The following DLG2 variants were observed in gnomAD, a reference collection of about 807,000 sequenced individuals.
The protein encoded by DLG2 is disks large homolog 2.
DLG2 carries 45 observed loss-of-function variants against 132.5 expected under a neutral mutation model. The observed-to-expected ratio is 0.34, with a 90% confidence interval of 0.27 to 0.44. The LOEUF (loss-of-function observed/expected upper bound fraction) is 0.44, where lower values mean the gene tolerates loss of function less well. DLG2 is among the 20% of genes least tolerant of loss of function. DLG2 has a pLI of 1.00. For missense variants in DLG2, 1,045 were observed against 1,196.9 expected (o/e 0.87, Z 1.87); for synonymous variants, 424 against 419.6 (o/e 1.01, Z -0.13).
intron 6 of DLG2, among the ~76,000 whole-genome samples, chr11:84,883,860 G>T (rs2087776649): frequency 6.6e-6 from 1 of 152,052 alleles, no homozygotes; most frequent in Non-Finnish European, 1.5e-5. Flanking sequence ...TGTGTGTCTG[G>T]ATCTTCATTC....
chr11:83,503,373 A>T (rs1482308038), intron 21 of DLG2, among the ~76,000 whole-genome samples: 28 of 3,042 alleles, frequency 9.2e-3, no homozygotes, highest in African/African-American at 0.033. Context: ...ACCCATTTAT[A>T]TATATATATA....
intron 3 of DLG2, among the ~76,000 whole-genome samples, chr11:85,298,604 G>C (rs544817319): frequency 1.3e-5 from 2 of 152,106 alleles, no homozygotes; most frequent in African/African-American, 4.8e-5. Context: ...ATGTGATTCT[G>C]AACTAAATTC....
At chr11:84,130,404 A>G (rs1303130266) in intron 9 of DLG2, among the ~76,000 whole-genome samples, 2 of 151,872 alleles carry the variant, frequency 1.3e-5, no homozygotes, top group African/African-American at 4.8e-5. Context: ...GATACAAAGA[A>G]ATACAGAGCA....
chr11:84,889,819 C>G (rs1227144873), intron 6 of DLG2, among the ~76,000 whole-genome samples: 5 of 152,154 alleles, frequency 3.3e-5, no homozygotes. Context: ...TTTGATACAT[C>G]CATCCTTGAC....
chr11:84,049,222 A>C (rs1044414962), intron 11 of DLG2, among the ~76,000 whole-genome samples: 11 of 151,882 alleles, frequency 7.2e-5, no homozygotes, highest in Non-Finnish European at 1.5e-4. Flanking sequence ...ATAAATTCTC[A>C]TCTATAATAT....
chr11:83,669,340 G>A (rs1342864882), intron 18 of DLG2, among the ~76,000 whole-genome samples: 1 of 152,130 alleles, frequency 6.6e-6, no homozygotes, highest in Non-Finnish European at 1.5e-5. Flanking sequence ...TGTTTCTGCT[G>A]AAAAGTCTAT....
In DLG2 at chr11:85,051,988, A is replaced by C. The variant is rs189448276; in HGVS notation, c.357+59673T>G. Among the ~76,000 whole-genome samples the C allele has an allele frequency of 4.7e-3, 716 of 152,272 alleles. 6 individuals are homozygous for C. The highest frequency in any genetic ancestry group is 0.017 in the African/African-American group (688 of 41,570). On this transcript the variant is annotated intron_variant, in intron 6 of 27. Transcript: ENST00000376104. ...AAGTGATTAGTAGGTAATGTATTTA[A>C]AATTCTAAATAATGATAAAATAGCT...
intron 3 of DLG2, among the ~76,000 whole-genome samples, chr11:85,360,171 G>A (rs2084036068): frequency 6.6e-6 from 1 of 152,152 alleles, no homozygotes; most frequent in Non-Finnish European, 1.5e-5. Flanking sequence ...CTTGTCAGCG[G>A]TTTCTAGTTG....
At chr11:85,331,098 T>C (rs1254788542) in intron 3 of DLG2, among the ~76,000 whole-genome samples, 3 of 152,208 alleles carry the variant, frequency 2.0e-5, no homozygotes, top group Admixed American at 1.3e-4. Flanking sequence ...AATAAACCCA[T>C]AATGTTGACA....
intron 6 of DLG2, among the ~76,000 whole-genome samples, chr11:84,955,875 T>C (rs1031791216): frequency 6.6e-6 from 1 of 152,162 alleles, no homozygotes; most frequent in Non-Finnish European, 1.5e-5. Context: ...TTATTTTTGG[T>C]TTGACAATTG....
chr11:84,061,174 C>T (rs2096585224), intron 10 of DLG2, among the ~76,000 whole-genome samples: 1 of 152,138 alleles, frequency 6.6e-6, no homozygotes, highest in African/African-American at 2.4e-5. Context: ...AAGTTTGTAA[C>T]CATAGTTAAT....
At chr11:84,398,720 T>C (rs988192313) in intron 7 of DLG2, among the ~76,000 whole-genome samples, 1 of 152,014 alleles carries the variant, frequency 6.6e-6, no homozygotes, top group African/African-American at 2.4e-5. Context: ...AAATAAACCA[T>C]TCAGTGAAAA....
intron 10 of DLG2, among the ~76,000 whole-genome samples, chr11:84,088,495 C>A (rs889595035): frequency 6.6e-6 from 1 of 152,080 alleles, no homozygotes; most frequent in Non-Finnish European, 1.5e-5. Context: ...AATAGGAAAA[C>A]TCCAGCTGCG....
At chr11:84,002,093 T>G (rs1477476189) in intron 11 of DLG2, among the ~76,000 whole-genome samples, 1 of 152,114 alleles carries the variant, frequency 6.6e-6, no homozygotes. Flanking sequence ...AAAATAGGTT[T>G]AAAGAACAAT....
rs191873810 is a variant in DLG2, at chr11:85,334,686, A to G, written c.41-49321T>C. Among the ~76,000 whole-genome samples the G allele has an allele frequency of 1.8e-3, 269 of 152,320 alleles. 1 individual carries two copies. The highest frequency in any genetic ancestry group is 6.3e-3 in the African/African-American group (261 of 41,580). The stretch of plus-strand genomic sequence containing the variant: ...CTGCCTTAATTTCATTCTTTACCCA[A>G]TAACAATTCTGGAGCAGATTACTTA... On this transcript the variant is annotated intron_variant, in intron 3 of 27. Transcript: ENST00000376104.
At chr11:83,749,439 G>C (rs2093155900) in intron 18 of DLG2, among the ~76,000 whole-genome samples, 1 of 152,132 alleles carries the variant, frequency 6.6e-6, no homozygotes, top group Admixed American at 6.6e-5. Flanking sequence ...CAAGGCCTAG[G>C]AATAAAGGGA....
At chr11:84,922,959 T>C in intron 6 of DLG2, 1 of 1,285,934 alleles carries the variant, frequency 7.8e-7, no homozygotes, top group Non-Finnish European at 1.1e-6. Flanking sequence ...CAACCACCTG[T>C]AATAATCTGC....
intron 9 of DLG2, among the ~76,000 whole-genome samples, chr11:84,147,867 T>C (rs1283160028): frequency 1.3e-5 from 2 of 152,180 alleles, no homozygotes; most frequent in Admixed American, 1.3e-4. Context: ...TGGGGGTAGA[T>C]AAATGTTTGT....
intron 6 of DLG2, among the ~76,000 whole-genome samples, chr11:85,088,121 T>C (rs1173667619): frequency 6.6e-6 from 1 of 152,026 alleles, no homozygotes; most frequent in Non-Finnish European, 1.5e-5. Flanking sequence ...TATTAGTAAA[T>C]ATGGAGACAA....
Sources: allele counts gnomAD v4.1 joint callset (sites outside exome capture counted in the v4.1 genomes callset), GRCh38; gene constraint gnomAD v4.1.1; transcripts MANE v1.5; gene names NCBI Gene and HGNC (gene_info 2026-07-23, HGNC 2026-07-21).